The following UXS1 variants were observed in gnomAD, a reference collection of about 807,000 sequenced individuals.
The protein encoded by UXS1 is UDP-glucuronic acid decarboxylase 1.
UXS1 carries 33 observed loss-of-function variants against 62.6 expected under a neutral mutation model. The observed-to-expected ratio is 0.53, with a 90% CI of 0.40 to 0.70. The LOEUF (loss-of-function observed/expected upper bound fraction) is 0.70. Ranked by LOEUF, UXS1 falls within the 30% of genes least tolerant of loss-of-function variation. UXS1 has a pLI of 0.00. For missense variants in UXS1, 434 were observed against 556.3 expected, an observed-to-expected ratio of 0.78 and a Z score of 2.21; for synonymous variants, 213 against 206.8, an observed-to-expected ratio of 1.03 and a Z score of -0.26.
chr2:106,158,066 T>C lies in UXS1; in HGVS notation c.283A>G (p.Arg95Gly), dbSNP rs1213221108. Residue 95 changes from arginine (R) to glycine (G), a missense_variant, in exon 5 of 15, where the codon AGA (arginine) becomes GGA (glycine). Physicochemically the swap from Arg to Gly is moderately radical, Grantham distance 125. Transcript: ENST00000283148. The part of the protein sequence containing the change: ...VKFLSEKDRK[R>G]ILITGGAGFV... ...CAGGTGTGCAAACTTACCAAAATTC[T>C]TTTCCGATCCTTTTCTGATAAAAAC... The C allele has an allele frequency of 1.9e-6, 3 of 1,565,006 alleles. No homozygotes were observed. The highest frequency in any genetic ancestry group is 2.6e-6 in the Non-Finnish European group (3 of 1,153,478).
intron 8 of UXS1, among the ~76,000 whole-genome samples, chr2:106,123,299 G>GA (rs1558698399): frequency 1.2e-4 from 17 of 146,978 alleles, no homozygotes; most frequent in East Asian, 5.9e-4. Flanking sequence ...TACTTACAGG[G>GA]GAAAAAAAAA....
chr2:106,107,706 G>A (rs919940729), intron 10 of UXS1, among the ~76,000 whole-genome samples: 2 of 152,202 alleles, frequency 1.3e-5, no homozygotes, highest in Non-Finnish European at 2.9e-5. Flanking sequence ...ATTTCCCACC[G>A]TTGACTCATT....
chr2:106,146,596 T>A lies in UXS1; in HGVS notation c.292-1226A>T, dbSNP rs1300781993. ...GAGTTCAAGACCAGTCGGGCCAACA[T>A]GGTGAAACCCTGTCTCTACTAAAAA... On this transcript the variant is annotated intron_variant, in intron 5 of 14. Coordinates refer to ENST00000283148, the MANE Select transcript of UXS1 (RefSeq NM_001253875.2). 2.6e-5 allele frequency among the ~76,000 whole-genome samples: 4 copies of A among 151,728 alleles called. No individual in the cohort carries two copies. In the East Asian group the frequency reaches 5.8e-4, roughly 22 times the overall value.
intron 9 of UXS1, among the ~76,000 whole-genome samples, chr2:106,116,589 C>T (rs1679079598): frequency 1.3e-5 from 2 of 152,228 alleles, no homozygotes; most frequent in African/African-American, 4.8e-5. Flanking sequence ...AGTTCATTAA[C>T]CCCTTTTCCT....
chr2:106,138,733 G>A (rs754083130), intron 6 of UXS1: 8 of 985,422 alleles, frequency 8.1e-6, no homozygotes, highest in South Asian at 4.7e-5. Context: ...TCAGACTGTC[G>A]AGACGTTCAG....
intron 1 of UXS1, among the ~76,000 whole-genome samples, chr2:106,186,149 T>C (rs1282167813): frequency 6.6e-6 from 1 of 152,146 alleles, no homozygotes; most frequent in Non-Finnish European, 1.5e-5. Flanking sequence ...GCAAGGATCG[T>C]CAATGGACAT....
chr2:106,193,831 G>A (rs749119995), intron 1 of UXS1, among the ~76,000 whole-genome samples: 4 of 152,072 alleles, frequency 2.6e-5, no homozygotes, highest in Non-Finnish European at 5.9e-5. Flanking sequence ...CTCCCAGCGC[G>A]ACATGGACGA....
intron 1 of UXS1, among the ~76,000 whole-genome samples, chr2:106,187,717 G>A (rs1249857740): frequency 6.7e-6 from 1 of 150,322 alleles, no homozygotes; most frequent in East Asian, 1.9e-4. Flanking sequence ...GTTACTAGAT[G>A]TCACAATGTC....
At position 106,104,833 on chromosome 2, in the gene UXS1, T is replaced by C. The variant is rs1305151091; in HGVS notation, c.884A>G (p.Tyr295Cys). The part of the protein sequence containing the change: ...QALQGEPLTV[Y>C]GSGSQTRAFQ... ...CGCCCTTGTCTGAGACCCGGATCCG[T>C]ATACCTGGAAGGAAACCAACAGTTA... Residue 295 changes from tyrosine (Y) to cysteine (C), a missense_variant, in exon 11 of 15, where the codon TAC becomes TGC. By Grantham distance (194) the Tyr-to-Cys change is radical. Coordinates refer to ENST00000283148, the MANE Select transcript of UXS1 (RefSeq NM_001253875.2). 1 of 1,613,908 alleles carries C rather than the reference T, an allele frequency of 6.2e-7. No homozygotes were observed. Among genetic ancestry groups the C allele is most frequent in the East Asian group, 2.2e-5 (1 of 44,864 alleles).
chr2:106,145,489 C>A lies in UXS1; in HGVS notation c.292-119G>T, dbSNP rs139496700. ...CACGACTTAAAACTCAGGAGCAAGGCGGGGAAGGAAGACAGCAAAGGTTTT... is the reference window on the plus strand; with the variant it reads ...CACGACTTAAAACTCAGGAGCAAGGAGGGGAAGGAAGACAGCAAAGGTTTT... On this transcript the variant is annotated intron_variant, in intron 5 of 14. Coordinates refer to ENST00000283148, the MANE Select transcript of UXS1 (RefSeq NM_001253875.2). 556 of 1,298,998 alleles carry A rather than the reference C, an allele frequency of 4.3e-4. No homozygotes were observed. The African/African-American group carries it at 5.1e-3, about 12-fold the overall frequency. The allele number at this position is 1,298,998 out of a possible 1,614,324, so 80.5% of individuals were successfully genotyped here. A position where few individuals can be genotyped will look rare whatever the true frequency, so the allele number is the denominator to read the frequency against.
chr2:106,131,268 C>G (rs1385271493), intron 6 of UXS1, among the ~76,000 whole-genome samples: 2 of 147,048 alleles, frequency 1.4e-5, no homozygotes, highest in African/African-American at 5.0e-5. Context: ...CCCATGGAAT[C>G]TCGCTGATTG....
intron 1 of UXS1, among the ~76,000 whole-genome samples, chr2:106,186,651 C>CA (rs935854092): frequency 6.6e-6 from 1 of 151,524 alleles, no homozygotes. Flanking sequence ...TTAAACTAAA[C>CA]AAAAAAAAAT....
At position 106,101,455 on chromosome 2, in the gene UXS1, G is replaced by C. The variant is rs1451594212; in HGVS notation, c.924-337C>G. On this transcript the variant is annotated intron_variant, in intron 11 of 14. Coordinates refer to ENST00000283148, the MANE Select transcript of UXS1 (RefSeq NM_001253875.2). Reference sequence around the variant, plus strand: ...TAAAAACTAAGCATAAGTTAAAACAGGCATACACTCAAAAAAGATGGAGTT... The same window carrying C: ...TAAAAACTAAGCATAAGTTAAAACACGCATACACTCAAAAAAGATGGAGTT... 2.3e-5 allele frequency: 5 copies of C among 219,906 alleles called. 1 individual carries two copies. The South Asian group carries it at 5.9e-4, about 26-fold the overall frequency. 13.6% of individuals were successfully genotyped at this position (219,906 alleles called of 1,614,324 possible).
chr2:106,149,392 T>C (rs1324863041), intron 5 of UXS1, among the ~76,000 whole-genome samples: 1 of 152,122 alleles, frequency 6.6e-6, no homozygotes, highest in African/African-American at 2.4e-5. Flanking sequence ...AGTGCAACAG[T>C]GTTAAAAGGT....
intron 1 of UXS1, among the ~76,000 whole-genome samples, chr2:106,178,633 AGTGT>A (rs975197274): frequency 6.6e-6 from 1 of 151,670 alleles, no homozygotes; most frequent in African/African-American, 2.4e-5. Flanking sequence ...TATATGTTAG[AGTGT>A]GTGTGTGTAT....
chr2:106,114,982 G>C (rs1678948927), intron 9 of UXS1, among the ~76,000 whole-genome samples: 1 of 152,172 alleles, frequency 6.6e-6, no homozygotes, highest in Non-Finnish European at 1.5e-5. Flanking sequence ...TTTCTAGGTA[G>C]CATCAGGGAA....
chr2:106,178,798 G>A (rs944318526), intron 1 of UXS1, among the ~76,000 whole-genome samples: 39 of 149,360 alleles, frequency 2.6e-4, no homozygotes, highest in Non-Finnish European at 2.4e-4. Flanking sequence ...ATCACCTGCG[G>A]CAAGCTGGGC....
intron 4 of UXS1, 73 bp from the exon 5 acceptor site, chr2:106,158,191 A>C: frequency 1.5e-6 from 2 of 1,318,150 alleles, no homozygotes; most frequent in Non-Finnish European, 2.1e-6. Context: ...TCTACCATCA[A>C]AGCATGTGCC....
At chr2:106,115,942 T>C (rs574521009) in intron 9 of UXS1, among the ~76,000 whole-genome samples, 1 of 152,242 alleles carries the variant, frequency 6.6e-6, no homozygotes, top group African/African-American at 2.4e-5. Context: ...ACAAGGACAC[T>C]AGGATTGCAA....
Sources: allele counts gnomAD v4.1 joint callset (sites outside exome capture counted in the v4.1 genomes callset), GRCh38; gene constraint gnomAD v4.1.1; transcripts MANE v1.5; gene names NCBI Gene and HGNC (gene_info 2026-07-23, HGNC 2026-07-21).